Variants in SCHIP1 observed in about 807,000 individuals in gnomAD.
SCHIP1 encodes schwannomin-interacting protein 1.
A neutral mutation model predicts 29.7 loss-of-function variants in SCHIP1; 8 were observed. The observed-to-expected ratio is 0.27, with a 90% CI of 0.16 to 0.49. The LOEUF (loss-of-function observed/expected upper bound fraction) is 0.49, where lower values mean the gene tolerates loss of function less well. SCHIP1 is among the 20% of genes least tolerant of loss of function. The probability of loss-of-function intolerance (pLI) is 0.99; values close to 1 mark genes in which losing one functional copy is unlikely to be tolerated. For missense variants in SCHIP1, 193 were observed against 294.6 expected (o/e 0.66, Z 2.52); for synonymous variants, 76 against 94.9 (o/e 0.80, Z 1.16).
At chr3:159,667,479 G>A in the SCHIP1 span, among the ~76,000 whole-genome samples, 3 of 152,304 alleles carry the variant, frequency 2.0e-5, no homozygotes, top group East Asian at 5.8e-4. Flanking sequence ...GATGATCAGG[G>A]CATCCAATGA....
chr3:159,435,461 G>A, the SCHIP1 span, among the ~76,000 whole-genome samples: 551 of 152,192 alleles, frequency 3.6e-3, 2 homozygotes, highest in African/African-American at 0.012. Flanking sequence ...TGGAATCACT[G>A]CTATCAGAGT....
At chr3:159,834,248 T>A in the SCHIP1 span, among the ~76,000 whole-genome samples, 2,055 of 152,228 alleles carry the variant, frequency 0.013, 40 homozygotes, top group African/African-American at 0.047. Context: ...TCTAAGGAAA[T>A]TCACATTAAT....
intron 6 of SCHIP1, chr3:159,892,396 C>A (rs923975034): frequency 1.9e-5 from 12 of 620,446 alleles, no homozygotes; most frequent in African/African-American, 1.3e-4. Flanking sequence ...ACCATCCCCC[C>A]CTTGTGATGA....
chr3:159,810,816 G>GAAATTCCA, the SCHIP1 span, among the ~76,000 whole-genome samples: 18 of 151,992 alleles, frequency 1.2e-4, no homozygotes, highest in African/African-American at 4.3e-4. Flanking sequence ...CTCTTGGGTA[G>GAAATTCCA]ATTCTCAGGA....
the SCHIP1 span, among the ~76,000 whole-genome samples, chr3:159,706,641 C>T: frequency 2.0e-5 from 3 of 152,144 alleles, no homozygotes; most frequent in Non-Finnish European, 2.9e-5. Context: ...TGGGCACACA[C>T]AGTCTAAAGA....
chr3:159,468,777 A>ATATTTTTT, the SCHIP1 span, among the ~76,000 whole-genome samples: 2 of 127,350 alleles, frequency 1.6e-5, 1 homozygote, highest in East Asian at 4.4e-4. Context: ...ATATATATAT[A>ATATTTTTT]TTTTTTTTAG....
chr3:159,364,352 TA>T, the SCHIP1 span, among the ~76,000 whole-genome samples: 27 of 152,308 alleles, frequency 1.8e-4, no homozygotes, highest in Middle Eastern at 6.8e-3. Flanking sequence ...CTTTGTGGCC[TA>T]GAATATATGG....
chr3:159,607,534 A>G, the SCHIP1 span, among the ~76,000 whole-genome samples: 9 of 152,198 alleles, frequency 5.9e-5, no homozygotes, highest in Non-Finnish European at 8.8e-5. Flanking sequence ...CTCTAAGAAC[A>G]TTAATGAGGC....
the SCHIP1 span, chr3:159,375,796 G>A: frequency 2.3e-6 from 2 of 885,588 alleles, no homozygotes; most frequent in African/African-American, 1.8e-5. Context: ...TGGGTTTTTG[G>A]AGTTGGGAAA....
chr3:159,406,381 GGC>G, the SCHIP1 span, among the ~76,000 whole-genome samples: 1 of 152,102 alleles, frequency 6.6e-6, no homozygotes, highest in African/African-American at 2.4e-5. Flanking sequence ...TAGTATATCT[GGC>G]AAAAAATATT....
At chr3:159,847,648 T>G (rs1320784198) in intron 1 of SCHIP1, among the ~76,000 whole-genome samples, 1 of 152,178 alleles carries the variant, frequency 6.6e-6, no homozygotes, top group Non-Finnish European at 1.5e-5. Context: ...TTCTCGTGCT[T>G]GGTTTTAGTT....
At chr3:159,664,733 T>C in the SCHIP1 span, among the ~76,000 whole-genome samples, 1 of 152,114 alleles carries the variant, frequency 6.6e-6, no homozygotes, top group African/African-American at 2.4e-5. Flanking sequence ...GACATTCTGG[T>C]TGGACTGAAC....
chr3:159,860,580 G>T (rs755265866), intron 1 of SCHIP1, among the ~76,000 whole-genome samples: 2 of 152,168 alleles, frequency 1.3e-5, no homozygotes, highest in Non-Finnish European at 2.9e-5. Context: ...TATAAAACAA[G>T]TACATCCGAT....
the SCHIP1 span, among the ~76,000 whole-genome samples, chr3:159,672,879 G>A: frequency 8.5e-5 from 13 of 152,200 alleles, no homozygotes; most frequent in Non-Finnish European, 1.6e-4. Context: ...CTCTGGCACA[G>A]AAAACCCTGA....
chr3:159,383,040 T>C, the SCHIP1 span, among the ~76,000 whole-genome samples: 3 of 150,308 alleles, frequency 2.0e-5, no homozygotes, highest in Non-Finnish European at 3.0e-5. Flanking sequence ...GAGAAAATTT[T>C]CTCCCATTTT....
the SCHIP1 span, among the ~76,000 whole-genome samples, chr3:159,595,527 C>T: frequency 6.6e-6 from 1 of 152,018 alleles, no homozygotes; most frequent in African/African-American, 2.4e-5. Flanking sequence ...CCTTCAGGAG[C>T]CATGCAAACC....
intron 1 of SCHIP1, among the ~76,000 whole-genome samples, chr3:159,862,986 TCCAC>T (rs1714220331): frequency 6.6e-6 from 1 of 152,162 alleles, no homozygotes; most frequent in Non-Finnish European, 1.5e-5. Context: ...ATCTGCTAAT[TCCAC>T]TTCCAGGAAC....
chr3:159,606,927 G>A, the SCHIP1 span, among the ~76,000 whole-genome samples: 1 of 152,182 alleles, frequency 6.6e-6, no homozygotes, highest in African/African-American at 2.4e-5. Flanking sequence ...AAGTGAAGAA[G>A]GATGGATCTG....
the SCHIP1 span, among the ~76,000 whole-genome samples, chr3:159,726,440 G>A: frequency 1.3e-5 from 2 of 152,220 alleles, no homozygotes; most frequent in African/African-American, 2.4e-5. Context: ...TAGCTTTGTG[G>A]TCAAGCTACC....
Sources: allele counts gnomAD v4.1 joint callset (sites outside exome capture counted in the v4.1 genomes callset), GRCh38; gene constraint gnomAD v4.1.1; transcripts MANE v1.5; gene names NCBI Gene and HGNC (gene_info 2026-07-23, HGNC 2026-07-21).